FRMPD2: variants seen among roughly 807,000 people sequenced by gnomAD.
The protein encoded by FRMPD2 is FERM and PDZ domain containing 2, also known as FERM and PDZ domain-containing protein 2.
FRMPD2 carries 96 observed loss-of-function variants against 140.1 expected under a neutral mutation model. The ratio of observed to expected loss-of-function variants is 0.69; its 90% CI spans 0.58 to 0.81. The LOEUF is 0.81. FRMPD2 is among the 40% of genes least tolerant of loss of function. The pLI, the probability that FRMPD2 is intolerant of heterozygous loss-of-function variation, is 0.00. For synonymous variants in FRMPD2, 449 were observed against 547.6 expected (o/e 0.82, Z 2.52); for missense variants, 1,240 against 1,447.4 (o/e 0.86, Z 2.32).
chr10:48,206,682 C>T (rs1219940621), intron 14 of FRMPD2, 66 bp downstream of exon 14: 7 of 1,404,572 alleles, frequency 5.0e-6, no homozygotes, highest in Non-Finnish European at 7.0e-6. Flanking sequence ...CCCACTGCTC[C>T]TTTAAACGGC....
chr10:48,247,344 C>G (rs1403615342), intron 3 of FRMPD2, among the ~76,000 whole-genome samples: 1 of 152,214 alleles, frequency 6.6e-6, no homozygotes, highest in African/African-American at 2.4e-5. Flanking sequence ...TCAGGTACAT[C>G]AGAAAGTGGA....
rs535040382 is a variant in FRMPD2, at chr10:48,235,207, C to T, written c.993+1275G>A. On this transcript the variant is annotated intron_variant, in intron 9 of 28. Transcript: ENST00000374201. ...CCTCCTTAGCTTTAGTATTTTCATG[C>T]TTTGGGTAACTCAATCTTGCATACC... Among the ~76,000 whole-genome samples the T allele has an allele frequency of 4.6e-5, 7 of 152,324 alleles. 1 individual carries two copies. The South Asian group carries it at 1.4e-3, about 32-fold the overall frequency.
intron 15 of FRMPD2, among the ~76,000 whole-genome samples, chr10:48,194,577 A>C (rs571655170): frequency 6.6e-6 from 1 of 152,192 alleles, no homozygotes; most frequent in Non-Finnish European, 1.5e-5. Flanking sequence ...CTGTGATTAC[A>C]GGAAGGAGCC....
chr10:48,239,465 T>A lies in FRMPD2; in HGVS notation c.788+140A>T, dbSNP rs1332108170. Reference sequence around the variant, plus strand: ...GATCTGCTTAAATGTGGCTTCTTCATCTGTTAATGGAATAGCATTGGCATT... The same window carrying A: ...GATCTGCTTAAATGTGGCTTCTTCAACTGTTAATGGAATAGCATTGGCATT... On this transcript the variant is annotated intron_variant, in intron 7 of 28. Transcript: ENST00000374201. The A allele has an allele frequency of 2.6e-5, 15 of 568,294 alleles. No individual in the cohort carries two copies. The East Asian group carries it at 4.4e-4, about 17-fold the overall frequency. The allele number at this position is 568,294 out of a possible 1,614,324, so 35.2% of individuals were successfully genotyped here. A position where few individuals can be genotyped will look rare whatever the true frequency, so the allele number is the denominator to read the frequency against.
Position 48,185,753 on chromosome 10 carries a change from C to T in FRMPD2, c.2267-108G>A. 8 of 792,668 alleles carry T rather than the reference C, an allele frequency of 1.0e-5. 1 individual carries two copies. In the Middle Eastern group the frequency reaches 1.4e-3, roughly 134 times the overall value. The allele number at this position is 792,668 out of a possible 1,614,324, so 49.1% of individuals were successfully genotyped here. ...ACACACATGCGCGCACACACATTCA[C>T]ACGCACACAATCCTGAAAACAAAAG... On this transcript the variant is annotated intron_variant, in intron 17 of 28. Coordinates refer to ENST00000374201, the MANE Select transcript of FRMPD2 (RefSeq NM_001018071.4).
At chr10:48,271,411 C>T (rs905053131) in intron 1 of FRMPD2, among the ~76,000 whole-genome samples, 1 of 152,204 alleles carries the variant, frequency 6.6e-6, no homozygotes, top group Non-Finnish European at 1.5e-5. Context: ...ATTTACTCTC[C>T]AGCCAGACAC....
intron 9 of FRMPD2, among the ~76,000 whole-genome samples, 185 bp from the exon 10 acceptor site, chr10:48,232,474 T>C (rs568936446): frequency 4.2e-4 from 64 of 152,336 alleles, no homozygotes; most frequent in African/African-American, 1.5e-3. Flanking sequence ...GTAAGAGTCT[T>C]GCCTAGGGTT....
intron 10 of FRMPD2, among the ~76,000 whole-genome samples, chr10:48,229,485 A>G (rs1307518010): frequency 6.6e-6 from 1 of 152,124 alleles, no homozygotes; most frequent in East Asian, 1.9e-4. Context: ...GCAACAAAGG[A>G]TATGTCCCTC....
At chr10:48,164,643 A>C (rs1564412073) in intron 27 of FRMPD2, among the ~76,000 whole-genome samples, 1 of 150,834 alleles carries the variant, frequency 6.6e-6, no homozygotes, top group African/African-American at 2.5e-5. Context: ...TTAATTATAA[A>C]TCATAAACAT....
intron 12 of FRMPD2, 133 bp from the exon 13 acceptor site, chr10:48,212,242 C>T: frequency 1.2e-6 from 1 of 805,070 alleles, no homozygotes; most frequent in Non-Finnish European, 2.0e-6. Context: ...AGGTGCCCAC[C>T]TGGGATATTA....
At chr10:48,235,752 C>T (rs1165863921) in intron 9 of FRMPD2, among the ~76,000 whole-genome samples, 1 of 152,204 alleles carries the variant, frequency 6.6e-6, no homozygotes, top group Non-Finnish European at 1.5e-5. Context: ...AGCTCTCGGC[C>T]CCAACTGGGC....
intron 9 of FRMPD2, among the ~76,000 whole-genome samples, chr10:48,235,273 C>T (rs572215802): frequency 2.0e-5 from 3 of 152,332 alleles, no homozygotes; most frequent in African/African-American, 7.2e-5. Context: ...ATTTTTTGTG[C>T]CCATGCAGGT....
At chr10:48,208,503 C>T (rs956558317) in intron 13 of FRMPD2, among the ~76,000 whole-genome samples, 1 of 152,118 alleles carries the variant, frequency 6.6e-6, no homozygotes, top group Non-Finnish European at 1.5e-5. Flanking sequence ...AGTAATCTGT[C>T]CAAGTTCCTG....
intron 1 of FRMPD2, among the ~76,000 whole-genome samples, chr10:48,273,856 C>T (rs557748650): frequency 4.6e-5 from 7 of 151,440 alleles, no homozygotes; most frequent in East Asian, 3.9e-4. Context: ...GAAATAGACA[C>T]GACTCATCTC....
At chr10:48,255,560 T>G (rs1374068641) in intron 1 of FRMPD2, among the ~76,000 whole-genome samples, 1 of 152,082 alleles carries the variant, frequency 6.6e-6, no homozygotes, top group Non-Finnish European at 1.5e-5. Flanking sequence ...TGAGGAACAA[T>G]GTTAACAACC....
At chr10:48,201,112 A>T in intron 15 of FRMPD2, 116 bp downstream of exon 15, 1 of 650,012 alleles carries the variant, frequency 1.5e-6, no homozygotes, top group Non-Finnish European at 2.3e-6. Flanking sequence ...TGTCATTATT[A>T]GAGAGATTTA....
chr10:48,239,360 C>A (rs558283838), intron 7 of FRMPD2, among the ~76,000 whole-genome samples: 1 of 152,188 alleles, frequency 6.6e-6, no homozygotes, highest in Non-Finnish European at 1.5e-5. Context: ...CTCCGCCACT[C>A]GGCCTGAGTA....
intron 1 of FRMPD2, among the ~76,000 whole-genome samples, chr10:48,267,458 C>T (rs983573488): frequency 1.3e-5 from 2 of 152,094 alleles, no homozygotes; most frequent in Non-Finnish European, 2.9e-5. Context: ...AGAGAAATGA[C>T]CCAATCGGAC....
chr10:48,223,376 T>C (rs1839654645), intron 10 of FRMPD2, 106 bp from the exon 11 acceptor site: 1 of 1,167,274 alleles, frequency 8.6e-7, no homozygotes, highest in African/African-American at 1.5e-5. Context: ...ACGAGCTGGG[T>C]GAGTGCAGGA....
Sources: gnomAD v4.1 joint callset for allele counts (sites outside exome capture counted in the v4.1 genomes callset) on GRCh38, gnomAD v4.1.1 for gene constraint, MANE v1.5 for transcripts, NCBI Gene and HGNC (gene_info 2026-07-23, HGNC 2026-07-21) for gene names.